Variants in PDE1A observed in about 807,000 individuals in gnomAD.
PDE1A encodes the protein dual specificity calcium/calmodulin-dependent 3',5'-cyclic nucleotide phosphodiesterase 1A.
Under a neutral mutation model 61.7 loss-of-function variants are expected in PDE1A, and 35 were observed. That is an observed-to-expected ratio of 0.57 (90% confidence interval 0.43 to 0.75). The LOEUF is 0.75. PDE1A is among the 30% of genes least tolerant of loss of function. The pLI, the probability that PDE1A is intolerant of heterozygous loss-of-function variation, is 0.00. For missense variants in PDE1A, 597 were observed against 630.6 expected (o/e 0.95, Z 0.57); for synonymous variants, 232 against 213.2 (o/e 1.09, Z -0.77).
At chr2:182,186,564 G>A (rs1442927623) in exon 12 of PDE1A, 1 of 1,611,004 alleles carries the variant, frequency 6.2e-7, no homozygotes, top group Non-Finnish European at 8.5e-7. Flanking sequence ...AGAAAATGTT[G>A]GCTCTACTAT....
chr2:182,245,436 C>G (rs570898373), intron 2 of PDE1A, among the ~76,000 whole-genome samples: 1 of 152,206 alleles, frequency 6.6e-6, no homozygotes, highest in South Asian at 2.1e-4. Flanking sequence ...TGACATATGT[C>G]TACCATTACA....
chr2:182,554,781 G>A, the PDE1A span, among the ~76,000 whole-genome samples: 1 of 151,980 alleles, frequency 6.6e-6, no homozygotes, highest in Non-Finnish European at 1.5e-5. Flanking sequence ...TCTAATGCTG[G>A]ACAGCTACCT....
the PDE1A span, among the ~76,000 whole-genome samples, chr2:182,609,441 T>C: frequency 6.6e-6 from 1 of 152,242 alleles, no homozygotes; most frequent in East Asian, 1.9e-4. Flanking sequence ...AATCTTGCTG[T>C]TGCTCACTCG....
At chr2:182,279,035 T>A (rs2125844057) in intron 1 of PDE1A, among the ~76,000 whole-genome samples, 1 of 152,086 alleles carries the variant, frequency 6.6e-6, no homozygotes, top group South Asian at 2.1e-4. Flanking sequence ...TAGAGACTCT[T>A]ATAAATTATG....
intron 1 of PDE1A, among the ~76,000 whole-genome samples, chr2:182,360,878 CAAGTTAT>C (rs1260812309): frequency 2.6e-5 from 4 of 152,044 alleles, no homozygotes; most frequent in East Asian, 1.9e-4. Flanking sequence ...CCTCAAGTTA[CAAGTTAT>C]GTCTATTGGA....
intron 2 of PDE1A, among the ~76,000 whole-genome samples, chr2:182,499,183 T>TG (rs751136401): frequency 0.01 from 1,371 of 136,252 alleles, 19 homozygotes; most frequent in Middle Eastern, 0.025. Context: ...GTTTTTTTTT[T>TG]TTTTTTTTTT....
At chr2:182,305,810 T>C (rs1198327737) in intron 1 of PDE1A, among the ~76,000 whole-genome samples, 2 of 152,104 alleles carry the variant, frequency 1.3e-5, no homozygotes, top group Non-Finnish European at 2.9e-5. Context: ...TATTATGATA[T>C]AGGTATACAA....
intron 2 of PDE1A, among the ~76,000 whole-genome samples, chr2:182,454,133 CAG>C (rs1685728068): frequency 6.6e-6 from 1 of 152,106 alleles, no homozygotes; most frequent in African/African-American, 2.4e-5. Context: ...AACAGACAAA[CAG>C]AGAGCCAAAT....
At chr2:182,159,213 T>C (rs1691249731) in intron 13 of PDE1A, among the ~76,000 whole-genome samples, 1 of 152,260 alleles carries the variant, frequency 6.6e-6, no homozygotes, top group South Asian at 2.1e-4. Context: ...CCTTCTTTTT[T>C]AGAATCCTTC....
intron 1 of PDE1A, among the ~76,000 whole-genome samples, chr2:182,347,064 C>CGATGG (rs2125076024): frequency 6.6e-6 from 1 of 152,126 alleles, no homozygotes; most frequent in African/African-American, 2.4e-5. Flanking sequence ...AAGACAGACC[C>CGATGG]GATGGTCAAA....
the PDE1A span, among the ~76,000 whole-genome samples, chr2:182,691,019 G>A: frequency 8.5e-5 from 13 of 152,134 alleles, no homozygotes; most frequent in African/African-American, 2.9e-4. Context: ...ACTGCTCAAC[G>A]AAATAAAAGA....
the PDE1A span, among the ~76,000 whole-genome samples, chr2:182,693,313 A>G: frequency 1.3e-5 from 2 of 152,186 alleles, no homozygotes; most frequent in African/African-American, 4.8e-5. Context: ...TTTTGAAGCC[A>G]ATCACAAATA....
At chr2:182,160,575 C>T (rs1381990121) in intron 13 of PDE1A, among the ~76,000 whole-genome samples, 1 of 152,172 alleles carries the variant, frequency 6.6e-6, no homozygotes, top group African/African-American at 2.4e-5. Flanking sequence ...GCAGTAGCCA[C>T]CTCCTGGGGC....
chr2:182,652,033 A>G, the PDE1A span, among the ~76,000 whole-genome samples: 1 of 152,230 alleles, frequency 6.6e-6, no homozygotes, highest in Non-Finnish European at 1.5e-5. Context: ...TTAATGTATC[A>G]ATTGTAAAAA....
At chr2:182,623,531 T>C in the PDE1A span, among the ~76,000 whole-genome samples, 2 of 152,248 alleles carry the variant, frequency 1.3e-5, no homozygotes, top group South Asian at 4.1e-4. Flanking sequence ...TAGGAGATAA[T>C]AGCAGAAGAG....
intron 2 of PDE1A, among the ~76,000 whole-genome samples, chr2:182,246,423 T>G (rs1443336709): frequency 2.0e-4 from 23 of 114,736 alleles, no homozygotes; most frequent in Non-Finnish European, 3.3e-4. Flanking sequence ...TTTTTTTTTT[T>G]GACAGAGTCT....
At chr2:182,691,508 G>T in the PDE1A span, among the ~76,000 whole-genome samples, 1 of 152,016 alleles carries the variant, frequency 6.6e-6, no homozygotes, top group African/African-American at 2.4e-5. Context: ...TCCCTTCCTT[G>T]CACCTTATAC....
At chr2:182,534,770 T>C in the PDE1A span, among the ~76,000 whole-genome samples, 6 of 152,082 alleles carry the variant, frequency 3.9e-5, no homozygotes, top group East Asian at 1.2e-3. Context: ...ATTTTTTATG[T>C]TACACCTAAC....
At chr2:182,552,193 T>C in the PDE1A span, among the ~76,000 whole-genome samples, 1 of 152,220 alleles carries the variant, frequency 6.6e-6, no homozygotes. Context: ...TGAGTATCAC[T>C]TCAGTTTTTC....
Sources: gnomAD v4.1 joint callset for allele counts (sites outside exome capture counted in the v4.1 genomes callset) on GRCh38, gnomAD v4.1.1 for gene constraint, MANE v1.5 for transcripts, NCBI Gene and HGNC (gene_info 2026-07-23, HGNC 2026-07-21) for gene names.